Variants in MLIP observed in about 807,000 individuals in gnomAD.
The protein encoded by MLIP is muscular LMNA interacting protein.
In MLIP, 79 loss-of-function variants were observed where a neutral mutation model predicts 84.8. The observed-to-expected ratio is 0.93, with a 90% CI of 0.78 to 1.12. The LOEUF (loss-of-function observed/expected upper bound fraction) is 1.12. Ranked by LOEUF, MLIP falls within the 50% of genes most tolerant of loss-of-function variation. The probability of loss-of-function intolerance (pLI) is 0.00; values close to 1 mark genes in which losing one functional copy is unlikely to be tolerated. For synonymous variants in MLIP, 504 were observed against 463.0 expected, an observed-to-expected ratio of 1.09 and a Z score of -1.14; for missense variants, 1,257 against 1,160.6, an observed-to-expected ratio of 1.08 and a Z score of -1.21.
chr6:54,111,788 T>C (rs1769487241), intron 1 of MLIP, among the ~76,000 whole-genome samples: 1 of 152,156 alleles, frequency 6.6e-6, no homozygotes. Context: ...GGATTGCCCT[T>C]GGCACAGTGA....
At chr6:54,079,404 T>C (rs1362581431) in intron 1 of MLIP, 1 of 152,230 alleles carries the variant, frequency 6.6e-6, no homozygotes, top group Non-Finnish European at 1.5e-5. Flanking sequence ...GTGGGAAACA[T>C]TTAAAATGAT....
At chr6:54,115,695 A>G (rs1769855406) in intron 1 of MLIP, among the ~76,000 whole-genome samples, 1 of 152,226 alleles carries the variant, frequency 6.6e-6, no homozygotes, top group Non-Finnish European at 1.5e-5. Flanking sequence ...CGGGTGTGGA[A>G]AGATGACTGC....
At chr6:54,147,437 G>A (rs1232274367) in intron 4 of MLIP, among the ~76,000 whole-genome samples, 1 of 152,172 alleles carries the variant, frequency 6.6e-6, no homozygotes, top group African/African-American at 2.4e-5. Flanking sequence ...CCACAGCAGT[G>A]CAGGGTTAAT....
At position 54,200,352 on chromosome 6, in the gene MLIP, G is replaced by A. The variant is rs534039068; in HGVS notation, c.2590-1753G>A. On this transcript the variant is annotated intron_variant, in intron 10 of 13. Transcript: ENST00000502396. ...TTTCTGCATAGTGACACCAAGCTTA[G>A]CCCCTAAAGTACCATGTTGGTTTTA... is the stretch of plus-strand genomic sequence containing the variant. Among the ~76,000 whole-genome samples the A allele has an allele frequency of 5.3e-5, 8 of 149,762 alleles. 1 individual carries two copies. The South Asian group carries it at 1.7e-3, about 32-fold the overall frequency.
intron 1 of MLIP, among the ~76,000 whole-genome samples, chr6:54,089,443 G>A (rs1767714692): frequency 6.6e-6 from 1 of 152,018 alleles, no homozygotes; most frequent in South Asian, 2.1e-4. Flanking sequence ...TTCTTTTCAA[G>A]GAGTACAGAA....
At chr6:54,092,199 G>A (rs1030155766) in intron 1 of MLIP, among the ~76,000 whole-genome samples, 3 of 152,182 alleles carry the variant, frequency 2.0e-5, no homozygotes, top group Non-Finnish European at 2.9e-5. Context: ...TTCTGCAAAT[G>A]AGTAGTGTTT....
At chr6:54,246,630 T>C (rs1782104058) in intron 12 of MLIP, among the ~76,000 whole-genome samples, 2 of 152,154 alleles carry the variant, frequency 1.3e-5, no homozygotes, top group Admixed American at 1.3e-4. Context: ...AATTCTACCA[T>C]ATTATCACAT....
chr6:54,052,923 G>A (rs996109882), intron 1 of MLIP, among the ~76,000 whole-genome samples: 14 of 152,068 alleles, frequency 9.2e-5, no homozygotes, highest in Non-Finnish European at 2.1e-4. Flanking sequence ...TCTACTTTGA[G>A]GTATTGTAAG....
At chr6:54,206,952 T>C (rs1307696613) in intron 11 of MLIP, among the ~76,000 whole-genome samples, 1 of 152,244 alleles carries the variant, frequency 6.6e-6, no homozygotes, top group African/African-American at 2.4e-5. Flanking sequence ...AATCATCTTT[T>C]ATAATTGCTA....
chr6:54,170,734 G>A (rs1205000295), intron 9 of MLIP, among the ~76,000 whole-genome samples: 2 of 151,480 alleles, frequency 1.3e-5, no homozygotes, highest in South Asian at 2.1e-4. Context: ...GCTAATCTAT[G>A]AAAAGCCCTT....
chr6:54,107,974 C>A (rs61399346), upstream of MLIP, among the ~76,000 whole-genome samples: 947 of 135,294 alleles, frequency 7.0e-3, 16 homozygotes, highest in African/African-American at 0.024. Context: ...TCTTTTTTCT[C>A]AAATTTGTTT....
intron 3 of MLIP, among the ~76,000 whole-genome samples, chr6:54,126,852 T>A (rs1415826671): frequency 6.6e-6 from 1 of 152,240 alleles, no homozygotes; most frequent in East Asian, 1.9e-4. Context: ...TATATAGAAT[T>A]GTCTGTAAAT....
intron 11 of MLIP, chr6:54,215,178 C>T: frequency 3.9e-6 from 6 of 1,535,522 alleles, no homozygotes; most frequent in Non-Finnish European, 5.2e-6. Context: ...ACGGAAGTGA[C>T]ACGTCTGGTC....
rs190609125 is a variant in MLIP, at chr6:54,236,541, G to T, written c.2922+5624G>T. Among the ~76,000 whole-genome samples, 36 of 151,436 alleles carry T rather than the reference G, an allele frequency of 2.4e-4. No individual in the cohort carries two copies. In the East Asian group the frequency reaches 5.0e-3, roughly 21 times the overall value. On this transcript the variant is annotated intron_variant, in intron 12 of 13. Coordinates refer to ENST00000502396, the MANE Select transcript of MLIP (RefSeq NM_001281747.2). ...TGCTTGAACCCCGGAGGCGGAGGTT[G>T]CAGTGAGCCGAGATCACTCCATTAT...
chr6:54,196,298 T>C (rs1778290361), intron 10 of MLIP, among the ~76,000 whole-genome samples: 1 of 152,118 alleles, frequency 6.6e-6, no homozygotes, highest in African/African-American at 2.4e-5. Context: ...ATCACTTCTG[T>C]ATTAAGCCCA....
intron 13 of MLIP, among the ~76,000 whole-genome samples, chr6:54,264,170 A>G (rs1359985536): frequency 6.6e-6 from 1 of 152,050 alleles, no homozygotes; most frequent in African/African-American, 2.4e-5. Context: ...TGATCTGCCT[A>G]TGGTGCTTCA....
chr6:54,057,844 A>G (rs1355233299), intron 1 of MLIP: 3 of 152,214 alleles, frequency 2.0e-5, no homozygotes, highest in African/African-American at 7.2e-5. Context: ...TACTGAAGAA[A>G]TGCAAGAGAC....
At chr6:54,062,723 T>A (rs1475369987) in intron 1 of MLIP, among the ~76,000 whole-genome samples, 1 of 150,832 alleles carries the variant, frequency 6.6e-6, no homozygotes, top group African/African-American at 2.5e-5. Flanking sequence ...ATCTATTTTT[T>A]AATTTTTTAA....
chr6:54,147,602 G>T (rs1772993866), intron 4 of MLIP, among the ~76,000 whole-genome samples: 1 of 152,134 alleles, frequency 6.6e-6, no homozygotes, highest in Non-Finnish European at 1.5e-5. Context: ...AGGAGAGAAA[G>T]TGGAAGATAA....
Sources: gnomAD v4.1 joint callset for allele counts (sites outside exome capture counted in the v4.1 genomes callset) on GRCh38, gnomAD v4.1.1 for gene constraint, MANE v1.5 for transcripts, NCBI Gene and HGNC (gene_info 2026-07-23, HGNC 2026-07-21) for gene names.